Variants in LIN7A observed in about 807,000 individuals in gnomAD.
LIN7A encodes lin-7 cell polarity scaffold A, also known as protein lin-7 homolog A.
LIN7A carries 25 observed loss-of-function variants against 29.8 expected under a neutral mutation model. The observed-to-expected ratio is 0.84, with a 90% CI of 0.61 to 1.17. LIN7A has a LOEUF of 1.17. LIN7A is among the 50% of genes most tolerant of loss of function. The pLI, the probability that LIN7A is intolerant of heterozygous loss-of-function variation, is 0.00. For synonymous variants in LIN7A, 118 were observed against 107.5 expected (o/e 1.10, Z -0.60); for missense variants, 239 against 287.0 (o/e 0.83, Z 1.21).
At chr12:80,888,550 C>T (rs969195523) in intron 2 of LIN7A, among the ~76,000 whole-genome samples, 6 of 152,076 alleles carry the variant, frequency 3.9e-5, no homozygotes, top group African/African-American at 1.2e-4. Context: ...GATTTATGGA[C>T]TTTAGGTTCT....
intron 1 of LIN7A, among the ~76,000 whole-genome samples, chr12:80,914,038 A>T (rs1876906405): frequency 6.6e-6 from 1 of 152,198 alleles, no homozygotes; most frequent in Admixed American, 6.5e-5. Context: ...TTCATGGACC[A>T]ACATGTTTCC....
intron 4 of LIN7A, among the ~76,000 whole-genome samples, chr12:80,833,722 T>G (rs1267232527): frequency 1.3e-5 from 2 of 152,218 alleles, no homozygotes; most frequent in African/African-American, 4.8e-5. Flanking sequence ...TCCCTCTGTC[T>G]AGAATGCCCT....
chr12:80,803,154 A>G (rs4561271), intron 5 of LIN7A, among the ~76,000 whole-genome samples: 1 of 152,098 alleles, frequency 6.6e-6, no homozygotes, highest in Non-Finnish European at 1.5e-5. Flanking sequence ...CTGTATGTCT[A>G]TTTTTACTTT....
At chr12:80,887,223 T>C (rs1223141577) in intron 2 of LIN7A, among the ~76,000 whole-genome samples, 1 of 152,118 alleles carries the variant, frequency 6.6e-6, no homozygotes, top group African/African-American at 2.4e-5. Context: ...AGCTTCCCAT[T>C]TCACAGTGCT....
chr12:80,806,649 TA>T (rs1377101338), intron 5 of LIN7A, among the ~76,000 whole-genome samples: 11 of 152,228 alleles, frequency 7.2e-5, no homozygotes, highest in African/African-American at 2.7e-4. Flanking sequence ...TTAAATTTTA[TA>T]AAAACCTGAG....
intron 1 of LIN7A, among the ~76,000 whole-genome samples, chr12:80,896,457 T>TA (rs1875902376): frequency 6.6e-6 from 1 of 152,166 alleles, no homozygotes. Flanking sequence ...AAATAAATGG[T>TA]AAATAATGCT....
chr12:80,815,028 A>G (rs1871466388), intron 4 of LIN7A, among the ~76,000 whole-genome samples: 1 of 152,242 alleles, frequency 6.6e-6, no homozygotes, highest in Non-Finnish European at 1.5e-5. Flanking sequence ...AAGAAATATA[A>G]GCATACTTGA....
intron 1 of LIN7A, among the ~76,000 whole-genome samples, chr12:80,931,088 C>T (rs969461090): frequency 2.0e-5 from 3 of 152,120 alleles, no homozygotes; most frequent in Admixed American, 6.5e-5. Context: ...ATCTCTAATA[C>T]CCAGGACACC....
intron 2 of LIN7A, among the ~76,000 whole-genome samples, chr12:80,887,935 GAAGA>G (rs1875417260): frequency 6.6e-6 from 1 of 152,214 alleles, no homozygotes; most frequent in South Asian, 2.1e-4. Context: ...CTCTGTGAAG[GAAGA>G]AAACAGAGTA....
At chr12:80,806,178 G>T (rs1425197179) in intron 5 of LIN7A, among the ~76,000 whole-genome samples, 1 of 152,000 alleles carries the variant, frequency 6.6e-6, no homozygotes, top group Non-Finnish European at 1.5e-5. Context: ...TTTTGTTCCC[G>T]GTTTTGGGTA....
chr12:80,934,310 A>G (rs1391591761), intron 1 of LIN7A, among the ~76,000 whole-genome samples: 1 of 152,182 alleles, frequency 6.6e-6, no homozygotes, highest in Non-Finnish European at 1.5e-5. Flanking sequence ...GAAGGATATC[A>G]AGGACTGGGA....
At chr12:80,875,479 A>G (rs925361310) in intron 2 of LIN7A, among the ~76,000 whole-genome samples, 1 of 152,228 alleles carries the variant, frequency 6.6e-6, no homozygotes, top group Non-Finnish European at 1.5e-5. Flanking sequence ...ATAAGAACGT[A>G]CATATTTATG....
At chr12:80,836,619 C>T (rs1046005507) in intron 4 of LIN7A, among the ~76,000 whole-genome samples, 1 of 152,114 alleles carries the variant, frequency 6.6e-6, no homozygotes, top group Admixed American at 6.5e-5. Context: ...CACGCCACTG[C>T]ACTCCAGCCT....
At chr12:80,849,363 T>A (rs1203844882) in intron 2 of LIN7A, among the ~76,000 whole-genome samples, 1 of 152,196 alleles carries the variant, frequency 6.6e-6, no homozygotes, top group Non-Finnish European at 1.5e-5. Context: ...AAATAAATTA[T>A]ACTATTTGCT....
chr12:80,905,998 T>C (rs77158180), intron 1 of LIN7A, among the ~76,000 whole-genome samples: 5,844 of 152,272 alleles, frequency 0.038, 165 homozygotes, highest in Non-Finnish European at 0.057. Flanking sequence ...TTCATAAAGA[T>C]GGGAAGTCCT....
Position 80,848,316 on chromosome 12 carries a change from G to C in LIN7A, c.208C>G (p.Gln70Glu). Residue 70 changes from glutamine (Q) to glutamate (E), a missense_variant, in exon 3 of 6, where the codon CAA becomes GAA. Physicochemically the swap from Gln to Glu is conservative, Grantham distance 29. Coordinates refer to ENST00000552864, the MANE Select transcript of LIN7A (RefSeq NM_004664.4). ...EFCTAIREVYQYMHETITVNG... is the reference protein window; with the variant it reads ...EFCTAIREVYEYMHETITVNG... ...ACAGTTATCGTTTCATGCATATATT[G>C]ATACACCTAAAATGTTCACATAAAA... The C allele has an allele frequency of 6.2e-7, 1 of 1,606,144 alleles. No individual in the cohort carries two copies. Among genetic ancestry groups the C allele is most frequent in the Non-Finnish European group, 8.5e-7 (1 of 1,173,008 alleles).
At chr12:80,813,876 A>C (rs1461376701) in intron 4 of LIN7A, among the ~76,000 whole-genome samples, 1 of 152,124 alleles carries the variant, frequency 6.6e-6, no homozygotes, top group African/African-American at 2.4e-5. Context: ...GTACAGAGAA[A>C]AAAAATCACT....
At chr12:80,937,246 G>C (rs1038004169) in intron 1 of LIN7A, 1 of 187,728 alleles carries the variant, frequency 5.3e-6, no homozygotes, top group Non-Finnish European at 1.1e-5. Flanking sequence ...CTCCCTCGCC[G>C]GTCTCCTCTG....
At position 80,793,030 on chromosome 12, in the gene LIN7A, C is replaced by T. The variant is rs1349463960; in HGVS notation, c.*4697G>A. ...TTTCCAAGTATTTTATATACAGTGACTCACTTAGTGACTCATTCATTTTAA... is the reference window on the plus strand; with the variant it reads ...TTTCCAAGTATTTTATATACAGTGATTCACTTAGTGACTCATTCATTTTAA... On this transcript the variant is annotated 3_prime_UTR_variant, in exon 6 of 6. Coordinates refer to ENST00000552864, the MANE Select transcript of LIN7A (RefSeq NM_004664.4). 6.6e-6 allele frequency: 1 copy of T among 151,946 alleles called. No homozygotes were observed. The highest frequency in any genetic ancestry group is 1.5e-5 in the Non-Finnish European group (1 of 68,020). The allele number at this position is 151,946 out of a possible 1,614,324, so 9.4% of individuals were successfully genotyped here.
Sources: gnomAD v4.1 joint callset for allele counts (sites outside exome capture counted in the v4.1 genomes callset) on GRCh38, gnomAD v4.1.1 for gene constraint, MANE v1.5 for transcripts, NCBI Gene and HGNC (gene_info 2026-07-23, HGNC 2026-07-21) for gene names.